HEXB: variants seen among roughly 807,000 people sequenced by gnomAD.
The protein encoded by HEXB is hexosaminidase subunit beta, also known as beta-hexosaminidase subunit beta.
Under a neutral mutation model 71.2 loss-of-function variants are expected in HEXB, and 51 were observed. The ratio of observed to expected loss-of-function variants is 0.72; its 90% CI spans 0.57 to 0.90. HEXB has a LOEUF of 0.90. Among genes scored for constraint, HEXB ranks in the 40% least tolerant of loss-of-function variants. The pLI, the probability that HEXB is intolerant of heterozygous loss-of-function variation, is 0.00. For synonymous variants in HEXB, 266 were observed against 249.3 expected, an observed-to-expected ratio of 1.07 and a Z score of -0.63; for missense variants, 617 against 677.0, an observed-to-expected ratio of 0.91 and a Z score of 0.98.
chr5:74,685,225 G>A, upstream of HEXB: 2 of 1,477,448 alleles, frequency 1.4e-6, no homozygotes, highest in Non-Finnish European at 1.8e-6. Flanking sequence ...CCGAGGCTCC[G>A]GCTCGGCAGA....
chr5:74,653,883 G>C (rs1477810373), intron 1 of HEXB, among the ~76,000 whole-genome samples: 3 of 152,118 alleles, frequency 2.0e-5, no homozygotes, highest in Non-Finnish European at 2.9e-5. Context: ...CATCTTCAAA[G>C]AGCTCAGAGA....
chr5:74,671,076 G>T (rs6453072), intron 1 of HEXB, among the ~76,000 whole-genome samples: 1 of 151,836 alleles, frequency 6.6e-6, no homozygotes, highest in African/African-American at 2.4e-5. Context: ...TCCTATATCA[G>T]TATTATTGTT....
chr5:74,701,105 A>T (rs1749250506), intron 5 of HEXB, among the ~76,000 whole-genome samples: 1 of 148,830 alleles, frequency 6.7e-6, no homozygotes, highest in Admixed American at 6.7e-5. Flanking sequence ...TTGGTCTTAA[A>T]CTCCTGAGCT....
rs191847468 is a variant in HEXB at position 74,709,190 on chromosome 5, T to C, written c.771+3870T>C. 4.6e-4 allele frequency among the ~76,000 whole-genome samples: 70 copies of C among 152,228 alleles called. 1 individual carries two copies. In the East Asian group the frequency reaches 0.012, roughly 27 times the overall value. Reference sequence around the variant, plus strand: ...AACTGAACAACCTGCTCCTGAATGATTACTGGGTACATAACGAAATGAAGG... The same window carrying C: ...AACTGAACAACCTGCTCCTGAATGACTACTGGGTACATAACGAAATGAAGG... On this transcript the variant is annotated intron_variant, in intron 6 of 13. Coordinates refer to ENST00000261416, the MANE Select transcript of HEXB (RefSeq NM_000521.4).
At chr5:74,663,166 CTCTT>C (rs1004179825) in intron 1 of HEXB, among the ~76,000 whole-genome samples, 5 of 146,698 alleles carry the variant, frequency 3.4e-5, no homozygotes, top group African/African-American at 1.3e-4. Context: ...CAAAGATGAC[CTCTT>C]TCTTTCTTTT....
chr5:74,697,599 G>A (rs968783021), intron 5 of HEXB, among the ~76,000 whole-genome samples: 8 of 151,588 alleles, frequency 5.3e-5, no homozygotes, highest in South Asian at 4.2e-4. Flanking sequence ...GGTAGCGTGC[G>A]CCTGTAATCC....
At chr5:74,662,222 T>C (rs1185832712) in intron 1 of HEXB, among the ~76,000 whole-genome samples, 1 of 150,096 alleles carries the variant, frequency 6.7e-6, no homozygotes, top group Non-Finnish European at 1.5e-5. Context: ...TAGACAATTT[T>C]ATTTTCAGAA....
At chr5:74,690,904 T>C (rs888391485) in intron 2 of HEXB, among the ~76,000 whole-genome samples, 1 of 152,272 alleles carries the variant, frequency 6.6e-6, no homozygotes, top group East Asian at 1.9e-4. Flanking sequence ...ATCATTTCAA[T>C]TGATACTCAG....
At chr5:74,670,586 C>A (rs1171367897) in intron 1 of HEXB, among the ~76,000 whole-genome samples, 1 of 152,170 alleles carries the variant, frequency 6.6e-6, no homozygotes, top group Non-Finnish European at 1.5e-5. Context: ...CCAAGCCAGC[C>A]CCCAGAGCTG....
At chr5:74,716,305 A>G (rs1749672029) in intron 8 of HEXB, among the ~76,000 whole-genome samples, 3 of 152,204 alleles carry the variant, frequency 2.0e-5, no homozygotes, top group Non-Finnish European at 4.4e-5. Context: ...ATTAAATAGG[A>G]AAGATTTTTC....
rs34224491 is a variant in HEXB at position 74,650,925 on chromosome 5, CA to C, written c.-377+10388del. ...TGGGCAACAGCGTGAGACTCTGTCT[CA>C]AAAAAAAAAAAAAAAAAAAAGGCAA... is the stretch of plus-strand genomic sequence containing the variant. On this transcript the variant is annotated intron_variant, in intron 1 of 13. Coordinates refer to the HEXB transcript ENST00000511181. Among the ~76,000 whole-genome samples, 739 of 95,254 alleles carry C rather than the reference CA, an allele frequency of 7.8e-3. 1 individual carries two copies. The highest frequency in any genetic ancestry group is 0.028 in the East Asian group (89 of 3,164). The allele number at this position is 95,254 out of a possible 152,430, so 62.5% of individuals were successfully genotyped here.
At chr5:74,699,826 C>A (rs1749217695) in intron 5 of HEXB, among the ~76,000 whole-genome samples, 1 of 152,018 alleles carries the variant, frequency 6.6e-6, no homozygotes, top group Non-Finnish European at 1.5e-5. Context: ...ACAGGTCGGT[C>A]ATAGCCACAT....
upstream of HEXB, among the ~76,000 whole-genome samples, chr5:74,681,820 T>C (rs17670514): frequency 0.13 from 20,125 of 152,208 alleles, 1,690 homozygotes; most frequent in East Asian, 0.24. Context: ...GCATCTGAGA[T>C]CCACTCTTAA....
At chr5:74,704,422 T>C (rs1029379587) in intron 5 of HEXB, among the ~76,000 whole-genome samples, 1 of 152,136 alleles carries the variant, frequency 6.6e-6, no homozygotes, top group Non-Finnish European at 1.5e-5. Flanking sequence ...ATTATATTGG[T>C]TATTCCTCTA....
chr5:74,718,373 G>A lies in HEXB; in HGVS notation c.1242+10G>A, dbSNP rs1561227788. Reference sequence around the variant, plus strand: ...TGATGATAAAGCAAAGGTGAGCATTGTGAAGACTGCATCTGATCAATATAA... The same window carrying A: ...TGATGATAAAGCAAAGGTGAGCATTATGAAGACTGCATCTGATCAATATAA... On this transcript the variant is annotated intron_variant, in intron 10 of 13. Transcript: ENST00000261416. The A allele has an allele frequency of 6.3e-7, 1 of 1,577,126 alleles. No individual in the cohort carries two copies. Among genetic ancestry groups the A allele is most frequent in the Admixed American group, 1.7e-5 (1 of 59,968 alleles).
chr5:74,649,478 T>C (rs186501812), intron 1 of HEXB, among the ~76,000 whole-genome samples: 75 of 152,360 alleles, frequency 4.9e-4, no homozygotes, highest in Non-Finnish European at 1.6e-4. Context: ...GAAAGAATAA[T>C]GTCTCACTTC....
At chr5:74,675,593 C>A (rs1030253183) in intron 1 of HEXB, among the ~76,000 whole-genome samples, 2 of 152,118 alleles carry the variant, frequency 1.3e-5, no homozygotes, top group Non-Finnish European at 2.9e-5. Context: ...CTGGAGCACA[C>A]AACTGAGGGT....
Position 74,720,518 on chromosome 5 carries a change from G to A in HEXB, c.1508G>A (p.Trp503Ter). Reference sequence around the variant, plus strand: ...GCAACTAACCTCACTCCAAGATTATGGTATGGGATTTACCTGATAACATTT... The same window carrying A: ...GCAACTAACCTCACTCCAAGATTATAGTATGGGATTTACCTGATAACATTT... The part of the protein sequence containing the change: ...VDATNLTPRL[W>*]PRASAVGERL... Residue 503 changes from tryptophan (W) to a stop codon, truncating the protein, a stop_gained and splice_region_variant, in exon 12 of 14, where the codon TGG becomes TAG. Coordinates refer to ENST00000261416, the MANE Select transcript of HEXB (RefSeq NM_000521.4). LOFTEE classifies it high-confidence loss of function. The A allele has an allele frequency of 1.9e-6, 3 of 1,608,630 alleles. No homozygotes were observed. The highest frequency in any genetic ancestry group is 2.6e-6 in the Non-Finnish European group (3 of 1,174,996).
chr5:74,670,245 T>G (rs1166820083), intron 1 of HEXB, among the ~76,000 whole-genome samples: 4 of 151,932 alleles, frequency 2.6e-5, no homozygotes, highest in Admixed American at 2.0e-4. Flanking sequence ...AGCCTCTTTT[T>G]TTTTTTTGCC....
Sources: gnomAD v4.1 joint callset for allele counts (sites outside exome capture counted in the v4.1 genomes callset) on GRCh38, gnomAD v4.1.1 for gene constraint, MANE v1.5 for transcripts, NCBI Gene and HGNC (gene_info 2026-07-23, HGNC 2026-07-21) for gene names.